RIGI: variants seen among roughly 807,000 people sequenced by gnomAD.
RIGI encodes antiviral innate immune response receptor RIG-I.
At chr9:32,457,822 G>A in the RIGI span, among the ~76,000 whole-genome samples, 1 of 152,198 alleles carries the variant, frequency 6.6e-6, no homozygotes, top group Non-Finnish European at 1.5e-5. Flanking sequence ...CCAAGGTCAA[G>A]ATGCAATTGA....
the RIGI span, among the ~76,000 whole-genome samples, chr9:32,474,850 C>T: frequency 2.0e-5 from 3 of 152,094 alleles, no homozygotes; most frequent in African/African-American, 4.8e-5. Context: ...ATAACTAATA[C>T]GGAAGCCATA....
At chr9:32,456,222 C>T in the RIGI span, 1 of 152,070 alleles carries the variant, frequency 6.6e-6, no homozygotes, top group African/African-American at 2.4e-5. Flanking sequence ...CAATGGCACA[C>T]GTTAAGAGAA....
chr9:32,518,334 C>T, the RIGI span, among the ~76,000 whole-genome samples: 1 of 147,278 alleles, frequency 6.8e-6, no homozygotes, highest in South Asian at 2.1e-4. Flanking sequence ...TTTTGTATGA[C>T]AAAGCATCTT....
chr9:32,498,358 C>G, the RIGI span: 2 of 456,586 alleles, frequency 4.4e-6, no homozygotes, highest in African/African-American at 4.0e-5. Context: ...CTGTAGCTTA[C>G]TGAATATTTG....
the RIGI span, chr9:32,466,212 TAAAAGATACC>T: frequency 2.0e-6 from 3 of 1,470,572 alleles, no homozygotes; most frequent in Non-Finnish European, 2.8e-6. Flanking sequence ...AGCAATATGA[TAAAAGATACC>T]AACCATCCTC....
At chr9:32,493,967 G>A in the RIGI span, 1 of 1,516,142 alleles carries the variant, frequency 6.6e-7, no homozygotes, top group Non-Finnish European at 8.9e-7. Flanking sequence ...AAAAAATGTG[G>A]ACTTTTATGA....
the RIGI span, chr9:32,526,173 C>T: frequency 1.2e-6 from 2 of 1,610,106 alleles, no homozygotes; most frequent in South Asian, 1.1e-5. Context: ...TCATGCCGGC[C>T]TCTGCTTGCA....
chr9:32,465,169 A>G, the RIGI span, among the ~76,000 whole-genome samples: 2 of 152,224 alleles, frequency 1.3e-5, no homozygotes, highest in Non-Finnish European at 2.9e-5. Flanking sequence ...ATCCCCAGTA[A>G]AACTAAGGGA....
chr9:32,509,720 A>T, the RIGI span, among the ~76,000 whole-genome samples: 2 of 152,026 alleles, frequency 1.3e-5, no homozygotes, highest in African/African-American at 2.4e-5. Context: ...ACGGAACAAA[A>T]CTGGACGGAG....
the RIGI span, among the ~76,000 whole-genome samples, chr9:32,501,275 C>A: frequency 2.0e-5 from 3 of 150,760 alleles, no homozygotes; most frequent in East Asian, 5.9e-4. Flanking sequence ...CCTCCCTCAG[C>A]CTCTCAAAGT....
the RIGI span, among the ~76,000 whole-genome samples, chr9:32,503,122 C>G: frequency 6.6e-6 from 1 of 152,180 alleles, no homozygotes; most frequent in East Asian, 1.9e-4. Flanking sequence ...GTTCCTAAGC[C>G]CATTCCTTAC....
chr9:32,472,491 C>T, the RIGI span, among the ~76,000 whole-genome samples: 1,210 of 152,322 alleles, frequency 7.9e-3, 17 homozygotes, highest in African/African-American at 0.027. Flanking sequence ...CGATGGGATT[C>T]AAGTCCCTAA....
the RIGI span, among the ~76,000 whole-genome samples, chr9:32,518,875 A>C: frequency 6.6e-6 from 1 of 152,100 alleles, no homozygotes; most frequent in Non-Finnish European, 1.5e-5. Context: ...ATGCCTGGCC[A>C]ATTTTTGTAT....
At chr9:32,521,632 A>C in the RIGI span, among the ~76,000 whole-genome samples, 1 of 152,130 alleles carries the variant, frequency 6.6e-6, no homozygotes, top group South Asian at 2.1e-4. Context: ...CTTGAATTCC[A>C]ATACAGACAG....
chr9:32,485,305 AAG>A, the RIGI span: 18 of 1,469,760 alleles, frequency 1.2e-5, no homozygotes, highest in African/African-American at 1.7e-4. Context: ...AAAAAAGAAA[AAG>A]AAAAAAAGAG....
At chr9:32,496,658 T>C in the RIGI span, among the ~76,000 whole-genome samples, 1 of 152,220 alleles carries the variant, frequency 6.6e-6, no homozygotes, top group Non-Finnish European at 1.5e-5. Flanking sequence ...AAAATATATA[T>C]ACACATACAT....
At chr9:32,460,161 T>C in the RIGI span, among the ~76,000 whole-genome samples, 3 of 152,222 alleles carry the variant, frequency 2.0e-5, no homozygotes, top group African/African-American at 4.8e-5. Context: ...GCCGCTGCCA[T>C]GTAAGAAGTG....
At chr9:32,467,282 A>T in the RIGI span, among the ~76,000 whole-genome samples, 152 of 152,350 alleles carry the variant, frequency 1.0e-3, no homozygotes, top group African/African-American at 3.5e-3. Context: ...GTTTCAATAC[A>T]AGGAAGTGAC....
the RIGI span, among the ~76,000 whole-genome samples, chr9:32,470,328 A>G: frequency 6.6e-6 from 1 of 152,228 alleles, no homozygotes; most frequent in South Asian, 2.1e-4. Context: ...GGCTAGATGT[A>G]TAGTAAATAC....
Sources: allele counts gnomAD v4.1 joint callset (sites outside exome capture counted in the v4.1 genomes callset), GRCh38; gene constraint gnomAD v4.1.1; transcripts MANE v1.5; gene names NCBI Gene and HGNC (gene_info 2026-07-23, HGNC 2026-07-21).